The following PML variants were observed in gnomAD, a reference collection of about 807,000 sequenced individuals.
The protein encoded by PML is protein PML.
In PML, 28 loss-of-function variants were observed where a neutral mutation model predicts 65.2. The observed-to-expected ratio is 0.43, with a 90% CI of 0.32 to 0.59. The LOEUF is 0.59. Among genes scored for constraint, PML ranks in the 20% least tolerant of loss-of-function variants. The probability of loss-of-function intolerance (pLI) is 0.08; values close to 1 mark genes in which losing one functional copy is unlikely to be tolerated. For missense variants in PML, 1,021 were observed against 1,203.4 expected (o/e 0.85, Z 2.24); for synonymous variants, 500 against 508.8 (o/e 0.98, Z 0.23).
At chr15:74,007,962 A>T (rs920670958) in intron 2 of PML, among the ~76,000 whole-genome samples, 1 of 152,126 alleles carries the variant, frequency 6.6e-6, no homozygotes, top group African/African-American at 2.4e-5. Flanking sequence ...CTTCTGTATT[A>T]TGTTTGCCCT....
chr15:74,044,616 C>A lies in PML; in HGVS notation c.2257C>A (p.Leu753Met). The change falls in exon 9 of 9, where the codon CTG becomes ATG. Residue 753 changes from leucine (L) to methionine (M), a missense_variant. Coordinates refer to ENST00000268058, the MANE Select transcript of PML (RefSeq NM_033238.3). The part of the protein sequence containing the change: ...AMAAVLAMRD[L>M]CRLLEVSPGP... ...GGCTGCCGTGCTGGCCATGCGTGAC[C>A]TGTGCCGCCTCCTCGAGGTCTCCCC... is the stretch of plus-strand genomic sequence containing the variant. 1 of 1,607,278 alleles carries A rather than the reference C, an allele frequency of 6.2e-7. No homozygotes were observed. Among genetic ancestry groups the A allele is most frequent in the Non-Finnish European group, 8.5e-7 (1 of 1,179,930 alleles).
intron 7 of PML, among the ~76,000 whole-genome samples, chr15:74,038,816 C>A (rs2071630881): frequency 1.3e-5 from 2 of 152,178 alleles, no homozygotes; most frequent in South Asian, 4.1e-4. Flanking sequence ...CATTTAGGAA[C>A]CCCTCCCTTG....
Position 74,033,403 on chromosome 15 carries a change from C to G in PML, c.1646C>G (p.Ala549Gly). 6.2e-7 allele frequency: 1 copy of G among 1,612,302 alleles called. No homozygotes were observed. Among genetic ancestry groups the G allele is most frequent in the African/African-American group, 1.3e-5 (1 of 75,018 alleles). ...LPNSNHVASG[A>G]GEAEERVVVI... ...AACAGCAACCACGTGGCCAGTGGCG[C>G]CGGGGAGGCAGGTAGGGAGGTGGGT... The change falls in exon 6 of 9, where the codon GCC (alanine) becomes GGC (glycine). Residue 549 changes from alanine to glycine, a missense_variant. Physicochemically the swap from Ala to Gly is moderately conservative, Grantham distance 60. Transcript: ENST00000268058.
Position 73,998,470 on chromosome 15 carries a change from T to G in PML, c.596T>G (p.Leu199Arg). The G allele has an allele frequency of 6.2e-7, 1 of 1,613,478 alleles. No homozygotes were observed. The highest frequency in any genetic ancestry group is 8.5e-7 in the Non-Finnish European group (1 of 1,179,626). The change falls in exon 2 of 9, where the codon CTG becomes CGG. Residue 199 changes from leucine (L) to arginine (R), a missense_variant. Leu to Arg is a moderately radical substitution (Grantham distance 102). Coordinates refer to ENST00000268058, the MANE Select transcript of PML (RefSeq NM_033238.3). ...AACCCCAACCACCGCACCCCTACGCTGACCAGGTGAGTAGGCCGGCACAGG... is the reference window on the plus strand; with the variant it reads ...AACCCCAACCACCGCACCCCTACGCGGACCAGGTGAGTAGGCCGGCACAGG... ...CSNPNHRTPT[L>R]TSIYCRGCSK...
Position 74,043,302 on chromosome 15 carries a change from G to C in PML, c.1861+163G>C. On this transcript the variant is annotated intron_variant, in intron 8 of 8. Coordinates refer to ENST00000268058, the MANE Select transcript of PML (RefSeq NM_033238.3). This position sits in a 1 kb window ranked among gnomAD's most constrained non-coding sequence, Gnocchi z 4.3. ...ACTCCGGCTCACCTGGGCTCCTGGC[G>C]TGTCATTTGCTGGCTTGAATAAAGA... 6.7e-7 allele frequency: 1 copy of C among 1,498,016 alleles called. No homozygotes were observed. The highest frequency in any genetic ancestry group is 1.3e-5 in the South Asian group (1 of 75,754). The allele number at this position is 1,498,016 out of a possible 1,614,324, so 92.8% of individuals were successfully genotyped here.
rs148688315 is a variant in PML, at chr15:74,041,084, G to C, written c.1711-1905G>C. On this transcript the variant is annotated intron_variant, in intron 7 of 8. Coordinates refer to ENST00000268058, the MANE Select transcript of PML (RefSeq NM_033238.3). ...AGGACATTGCCCCGAGCTTTGTGGA[G>C]GCACTCAGGAACACAAAGGGGCATT... Among the ~76,000 whole-genome samples, 215 of 152,318 alleles carry C rather than the reference G, an allele frequency of 1.4e-3. 3 individuals are homozygous for C. Among genetic ancestry groups the C allele is most frequent in the African/African-American group, 5.0e-3 (208 of 41,572 alleles).
At chr15:74,030,072 C>A (rs2071250798) in intron 4 of PML, among the ~76,000 whole-genome samples, 1 of 152,172 alleles carries the variant, frequency 6.6e-6, no homozygotes, top group Admixed American at 6.5e-5. Context: ...CAGCACTGTG[C>A]TGGGGCCATC....
In PML at chr15:74,035,015, C is replaced by T; in HGVS notation, c.1710+485C>T. The T allele has an allele frequency of 6.5e-7, 1 of 1,529,462 alleles. No individual in the cohort carries two copies. Among genetic ancestry groups the T allele is most frequent in the Non-Finnish European group, 8.8e-7 (1 of 1,133,472 alleles). The allele number at this position is 1,529,462 out of a possible 1,614,324, so 94.7% of individuals were successfully genotyped here. ...TCCATTCCACAGTGAAACAGGTGGC[C>T]TCGTGGGTAGTGACCCTTCTGTCCC... On this transcript the variant is annotated intron_variant, in intron 7 of 8. Transcript: ENST00000268058. This position sits in a 1 kb window ranked among gnomAD's most constrained non-coding sequence, Gnocchi z 4.1.
At chr15:74,034,749 G>T in intron 7 of PML, 1 of 1,481,648 alleles carries the variant, frequency 6.7e-7, no homozygotes, top group South Asian at 1.4e-5. Context: ...GAGCTCTTCT[G>T]AAATGCTGAT....
chr15:74,023,552 C>A, intron 3 of PML, 144 bp downstream of exon 3: 1 of 715,328 alleles, frequency 1.4e-6, no homozygotes, highest in Non-Finnish European at 2.4e-6. Flanking sequence ...TCTTAGGTTC[C>A]AGGGCACAGG....
intron 3 of PML, 59 bp from the exon 4 acceptor site, chr15:74,024,798 C>G: frequency 1.0e-5 from 12 of 1,202,828 alleles, no homozygotes; most frequent in Non-Finnish European, 1.5e-5. Context: ...TGTCCCAGGT[C>G]AGGATGTCCC....
chr15:74,036,532 G>A, intron 7 of PML: 2 of 962,314 alleles, frequency 2.1e-6, no homozygotes, highest in Non-Finnish European at 2.7e-6. Context: ...CCACACTCAT[G>A]GGCATCAGAG....
intron 2 of PML, among the ~76,000 whole-genome samples, chr15:74,020,394 GT>G (rs1474870947): frequency 6.7e-6 from 1 of 148,788 alleles, no homozygotes; most frequent in Non-Finnish European, 1.5e-5. Context: ...GGTTCAAGCA[GT>G]TCTCCCACCT....
chr15:73,999,377 C>G (rs1396284686), intron 2 of PML, among the ~76,000 whole-genome samples: 2 of 152,336 alleles, frequency 1.3e-5, no homozygotes, highest in South Asian at 2.1e-4. Flanking sequence ...TTTGACAACT[C>G]AGAACTATAT....
chr15:74,017,497 G>A (rs2070648771), intron 2 of PML, among the ~76,000 whole-genome samples: 3 of 151,628 alleles, frequency 2.0e-5, no homozygotes, highest in Admixed American at 1.3e-4. Context: ...AAATACAAAA[G>A]AATTAGCCAG....
At chr15:74,040,605 C>A (rs575243917) in intron 7 of PML, among the ~76,000 whole-genome samples, 1 of 152,198 alleles carries the variant, frequency 6.6e-6, no homozygotes, top group Non-Finnish European at 1.5e-5. Context: ...TGTTTAAATG[C>A]GTCAGCACTC....
At chr15:74,015,396 C>T (rs575394811) in intron 2 of PML, among the ~76,000 whole-genome samples, 65 of 152,218 alleles carry the variant, frequency 4.3e-4, no homozygotes, top group Non-Finnish European at 4.4e-4. Flanking sequence ...TACCACTCTA[C>T]CAAAGTGAAA....
intron 2 of PML, among the ~76,000 whole-genome samples, chr15:74,009,358 G>A (rs2070216298): frequency 1.3e-5 from 2 of 152,298 alleles, no homozygotes; most frequent in South Asian, 2.1e-4. Flanking sequence ...GAAGTTAGCA[G>A]TAAATTGCAT....
At position 74,042,402 on chromosome 15, in the gene PML, CA is replaced by C. The variant is rs2071715809; in HGVS notation, c.1711-585del. ...CTGGCACCTCGGCTGACTTCGGGGA[CA>C]AGAAAAGGCAGGCTCCCGACCCCTT... On this transcript the variant is annotated intron_variant, in intron 7 of 8. Transcript: ENST00000268058. The surrounding 1 kb of genome is among the most constrained non-coding windows in gnomAD (Gnocchi z 5.3). 1 of 985,314 alleles carries C rather than the reference CA, an allele frequency of 1.0e-6. No homozygotes were observed. The highest frequency in any genetic ancestry group is 1.2e-6 in the Non-Finnish European group (1 of 829,928). The allele number at this position is 985,314 out of a possible 1,614,324, so 61.0% of individuals were successfully genotyped here. A position where few individuals can be genotyped will look rare whatever the true frequency, so the allele number is the denominator to read the frequency against.
Sources: gnomAD v4.1 joint callset for allele counts (sites outside exome capture counted in the v4.1 genomes callset) on GRCh38, gnomAD v4.1.1 for gene constraint, Gnocchi (gnomAD v3.1) non-coding constraint, MANE v1.5 for transcripts, NCBI Gene and HGNC (gene_info 2026-07-23, HGNC 2026-07-21) for gene names.